The following SBF2 variants were observed in gnomAD, a reference collection of about 807,000 sequenced individuals.
The protein encoded by SBF2 is SET binding factor 2, also known as myotubularin-related protein 13.
In SBF2, 112 loss-of-function variants were observed where a neutral mutation model predicts 225.2. That is an observed-to-expected ratio of 0.50 (90% CI 0.43 to 0.58). The LOEUF (loss-of-function observed/expected upper bound fraction) is 0.58, where lower values mean the gene tolerates loss of function less well. Ranked by LOEUF, SBF2 falls within the 20% of genes least tolerant of loss-of-function variation. SBF2 has a pLI of 0.00. For synonymous variants in SBF2, 763 were observed against 773.3 expected (o/e 0.99, Z 0.22); for missense variants, 1,996 against 2,206.2 (o/e 0.90, Z 1.91).
At position 9,829,384 on chromosome 11, in the gene SBF2, A is replaced by C; in HGVS notation, c.3765T>G (p.Thr1255=). 1 of 1,614,196 alleles carries C rather than the reference A, an allele frequency of 6.2e-7. No individual in the cohort carries two copies. ...GAGATAGAGCAAAGGCTGGCCTGAC[A>C]GTAAGAGTGCTGTTGCCTCTGAGTT... ...HQKLRGNSTL[T]VRPAFALSPG... is the part of the protein sequence containing the mutation. The change falls in exon 28 of 40, where the codon ACT becomes ACG. Residue 1255 remains threonine, a synonymous_variant. Transcript: ENST00000256190.
At chr11:9,782,137 A>T (rs1852048187) in intron 38 of SBF2, among the ~76,000 whole-genome samples, 1 of 151,832 alleles carries the variant, frequency 6.6e-6, no homozygotes, top group Admixed American at 6.6e-5. Context: ...GTGAGCTGAG[A>T]TCCTGCCACT....
At chr11:10,224,061 T>C (rs948892643) in intron 1 of SBF2, among the ~76,000 whole-genome samples, 5 of 152,182 alleles carry the variant, frequency 3.3e-5, no homozygotes, top group Non-Finnish European at 7.3e-5. Flanking sequence ...CTTTTTATAA[T>C]AGATTTGTGT....
intron 17 of SBF2, among the ~76,000 whole-genome samples, chr11:9,859,111 A>C (rs1257768545): frequency 3.9e-5 from 6 of 152,218 alleles, no homozygotes. Context: ...AACAGAGGGA[A>C]GGAAAATGAA....
chr11:9,940,860 A>C (rs1478178045), intron 16 of SBF2, among the ~76,000 whole-genome samples: 1 of 152,204 alleles, frequency 6.6e-6, no homozygotes, highest in Non-Finnish European at 1.5e-5. Flanking sequence ...GACAGAAAGC[A>C]AAGATACAAA....
chr11:10,142,826 T>C (rs1210045207), intron 2 of SBF2, among the ~76,000 whole-genome samples: 1 of 152,222 alleles, frequency 6.6e-6, no homozygotes. Flanking sequence ...TTCACTTCTG[T>C]TTGAGGAAGT....
intron 2 of SBF2, among the ~76,000 whole-genome samples, chr11:10,176,754 C>G (rs1432353098): frequency 1.3e-5 from 2 of 152,094 alleles, no homozygotes; most frequent in Non-Finnish European, 2.9e-5. Flanking sequence ...CCGAATTGTA[C>G]CAGAGGTACA....
chr11:10,152,194 C>T (rs138888290), intron 2 of SBF2, among the ~76,000 whole-genome samples: 2 of 152,134 alleles, frequency 1.3e-5, no homozygotes, highest in South Asian at 2.1e-4. Context: ...TAAAAATTTT[C>T]GTCATGCCAG....
At chr11:9,927,323 T>A (rs574360491) in intron 16 of SBF2, among the ~76,000 whole-genome samples, 3 of 152,194 alleles carry the variant, frequency 2.0e-5, no homozygotes, top group African/African-American at 2.4e-5. Context: ...GAAGCAATAA[T>A]ACCAATTCTA....
At chr11:9,813,663 C>T (rs371273775) in intron 29 of SBF2, among the ~76,000 whole-genome samples, 6 of 152,150 alleles carry the variant, frequency 3.9e-5, no homozygotes, top group Admixed American at 6.5e-5. Flanking sequence ...ATTACATGGT[C>T]GGGCACGGTG....
At chr11:9,975,235 A>G (rs991893373) in intron 13 of SBF2, among the ~76,000 whole-genome samples, 6 of 152,158 alleles carry the variant, frequency 3.9e-5, no homozygotes, top group African/African-American at 1.4e-4. Flanking sequence ...GGTTTTATTC[A>G]TTATTGCTAA....
intron 2 of SBF2, among the ~76,000 whole-genome samples, chr11:10,104,541 T>C (rs1952467775): frequency 8.1e-6 from 1 of 123,828 alleles, no homozygotes; most frequent in Non-Finnish European, 1.9e-5. Context: ...TGGCTGCCTA[T>C]CACGGGGCTG....
intron 2 of SBF2, among the ~76,000 whole-genome samples, chr11:10,049,894 T>G (rs902383537): frequency 2.0e-5 from 3 of 152,192 alleles, no homozygotes; most frequent in Admixed American, 6.5e-5. Context: ...AACAAACTTC[T>G]TTCGTGAATA....
chr11:9,869,872 G>A (rs956129687), intron 17 of SBF2, among the ~76,000 whole-genome samples: 1 of 152,158 alleles, frequency 6.6e-6, no homozygotes, highest in African/African-American at 2.4e-5. Flanking sequence ...GCAAGAGAAA[G>A]AAATAAAGAG....
chr11:10,213,470 A>G (rs1255330186), intron 1 of SBF2, among the ~76,000 whole-genome samples: 1 of 152,188 alleles, frequency 6.6e-6, no homozygotes, highest in Non-Finnish European at 1.5e-5. Flanking sequence ...CCAAACTAAA[A>G]TTAGATTCCT....
intron 1 of SBF2, among the ~76,000 whole-genome samples, chr11:10,250,746 TG>T (rs1320538688): frequency 1.3e-5 from 2 of 152,230 alleles, no homozygotes; most frequent in Non-Finnish European, 2.9e-5. Context: ...ACTTGAAGAC[TG>T]GATGTTCTGA....
At chr11:10,026,792 A>G (rs1949073449) in intron 6 of SBF2, among the ~76,000 whole-genome samples, 1 of 152,142 alleles carries the variant, frequency 6.6e-6, no homozygotes, top group Non-Finnish European at 1.5e-5. Context: ...AATGTAATCA[A>G]CAAGATGTTC....
At chr11:9,929,958 A>G (rs1382100341) in intron 16 of SBF2, among the ~76,000 whole-genome samples, 1 of 151,692 alleles carries the variant, frequency 6.6e-6, no homozygotes, top group African/African-American at 2.4e-5. Context: ...CCATGGACAC[A>G]GGTAGGGGAA....
intron 30 of SBF2, chr11:9,809,354 T>A (rs531014167): frequency 8.2e-6 from 2 of 244,158 alleles, no homozygotes; most frequent in South Asian, 1.1e-4. Flanking sequence ...TTTAAAACAA[T>A]ACATTCTAGT....
At chr11:10,091,063 A>G (rs796210175) in intron 2 of SBF2, among the ~76,000 whole-genome samples, 4 of 152,316 alleles carry the variant, frequency 2.6e-5, no homozygotes, top group African/African-American at 9.6e-5. Context: ...AGTATCACAG[A>G]ATACCTACTA....
Sources: gnomAD v4.1 joint callset for allele counts (sites outside exome capture counted in the v4.1 genomes callset) on GRCh38, gnomAD v4.1.1 for gene constraint, MANE v1.5 for transcripts, NCBI Gene and HGNC (gene_info 2026-07-23, HGNC 2026-07-21) for gene names.